Variants in PCDH15 observed in about 807,000 individuals in gnomAD.
The protein encoded by PCDH15 is protocadherin-15.
A neutral mutation model predicts 178.5 loss-of-function variants in PCDH15; 129 were observed. The observed-to-expected ratio is 0.72, with a 90% CI of 0.63 to 0.84. PCDH15 has a LOEUF of 0.84. Ranked by LOEUF, PCDH15 falls within the 40% of genes least tolerant of loss-of-function variation. The probability of loss-of-function intolerance (pLI) is 0.00; values close to 1 mark genes in which losing one functional copy is unlikely to be tolerated. For synonymous variants in PCDH15, 800 were observed against 732.0 expected, an observed-to-expected ratio of 1.09 and a Z score of -1.50; for missense variants, 2,230 against 2,099.9, an observed-to-expected ratio of 1.06 and a Z score of -1.21.
At chr10:53,830,378 A>G (rs1246716949) in intron 30 of PCDH15, among the ~76,000 whole-genome samples, 1 of 151,968 alleles carries the variant, frequency 6.6e-6, no homozygotes, top group Non-Finnish European at 1.5e-5. Context: ...TAAATGATGA[A>G]TAGCAGTTCT....
chr10:54,888,733 CCTG>C (rs142667976), intron 3 of PCDH15, among the ~76,000 whole-genome samples: 26,082 of 142,540 alleles, frequency 0.18, 3,004 homozygotes, highest in Non-Finnish European at 0.26. Flanking sequence ...AGCACATTTT[CCTG>C]TTGTTGTTTT....
chr10:55,053,556 T>C (rs947112155), intron 2 of PCDH15, among the ~76,000 whole-genome samples: 3 of 152,208 alleles, frequency 2.0e-5, no homozygotes, highest in Non-Finnish European at 4.4e-5. Context: ...TCGTTGAATA[T>C]ACTATAAATG....
At chr10:53,926,926 A>G (rs1485589425) in intron 25 of PCDH15, among the ~76,000 whole-genome samples, 2 of 151,888 alleles carry the variant, frequency 1.3e-5, no homozygotes, top group South Asian at 2.1e-4. Flanking sequence ...GTGGATACGT[A>G]TCCCCTTACA....
intron 2 of PCDH15, among the ~76,000 whole-genome samples, chr10:55,480,346 G>C (rs1353544382): frequency 6.6e-6 from 1 of 151,580 alleles, no homozygotes; most frequent in Non-Finnish European, 1.5e-5. Flanking sequence ...GATTGTGCTG[G>C]CCAGAACTTT....
At chr10:55,108,390 T>G (rs1200052209) in intron 2 of PCDH15, among the ~76,000 whole-genome samples, 1 of 152,172 alleles carries the variant, frequency 6.6e-6, no homozygotes, top group East Asian at 1.9e-4. Context: ...TTCTAAGCAT[T>G]TTCATAATGT....
intron 2 of PCDH15, among the ~76,000 whole-genome samples, chr10:55,144,323 A>T (rs1838439439): frequency 6.6e-6 from 1 of 152,058 alleles, no homozygotes; most frequent in African/African-American, 2.4e-5. Flanking sequence ...TAATAGAACA[A>T]GTCCTAGAGC....
intron 2 of PCDH15, among the ~76,000 whole-genome samples, chr10:55,481,456 T>C (rs776699535): frequency 2.0e-5 from 3 of 151,704 alleles, no homozygotes; most frequent in Middle Eastern, 3.4e-3. Flanking sequence ...TTCTAACTTT[T>C]TGATGTGGTT....
At chr10:55,467,351 G>T (rs1484898677) in intron 2 of PCDH15, among the ~76,000 whole-genome samples, 1 of 141,398 alleles carries the variant, frequency 7.1e-6, no homozygotes, top group African/African-American at 2.6e-5. Context: ...AGGAGGAAAA[G>T]AAAAGCCTGA....
chr10:55,408,807 T>A (rs1306200382), intron 2 of PCDH15, among the ~76,000 whole-genome samples: 13 of 152,058 alleles, frequency 8.5e-5, no homozygotes, highest in Admixed American at 8.5e-4. Flanking sequence ...TTCCTTGCTA[T>A]CACTTCACTA....
chr10:54,410,404 A>C (rs1277731914), intron 3 of PCDH15, among the ~76,000 whole-genome samples: 3 of 152,082 alleles, frequency 2.0e-5, no homozygotes, highest in Non-Finnish European at 2.9e-5. Flanking sequence ...CTTTTAATTT[A>C]TTTCTTTTAG....
At chr10:55,435,311 GGAA>G (rs143131378) in intron 2 of PCDH15, among the ~76,000 whole-genome samples, 53 of 152,006 alleles carry the variant, frequency 3.5e-4, no homozygotes, top group Non-Finnish European at 7.2e-4. Context: ...AGATAATTGG[GGAA>G]GAAGAGAATA....
At chr10:55,475,017 C>G (rs1189655279) in intron 2 of PCDH15, among the ~76,000 whole-genome samples, 3 of 152,064 alleles carry the variant, frequency 2.0e-5, no homozygotes, top group African/African-American at 7.2e-5. Context: ...AAAATTAGTA[C>G]CTTCACAACA....
At chr10:54,989,318 T>C (rs544917777) in intron 2 of PCDH15, among the ~76,000 whole-genome samples, 1 of 152,294 alleles carries the variant, frequency 6.6e-6, no homozygotes, top group East Asian at 1.9e-4. Flanking sequence ...CTTATGGAGC[T>C]GTGAGAAGAG....
At chr10:55,107,567 C>T (rs1837386348) in intron 2 of PCDH15, among the ~76,000 whole-genome samples, 1 of 141,952 alleles carries the variant, frequency 7.0e-6, no homozygotes, top group Non-Finnish European at 1.5e-5. Context: ...TCTTGGCTCA[C>T]TGCAACCTCT....
At chr10:55,001,800 C>T (rs1327790688) in intron 2 of PCDH15, among the ~76,000 whole-genome samples, 1 of 152,178 alleles carries the variant, frequency 6.6e-6, no homozygotes, top group Non-Finnish European at 1.5e-5. Context: ...GCAAAGATGC[C>T]ACCAGCCACA....
intron 2 of PCDH15, among the ~76,000 whole-genome samples, chr10:55,564,332 A>C (rs1476900603): frequency 6.6e-6 from 1 of 151,656 alleles, no homozygotes; most frequent in African/African-American, 2.4e-5. Context: ...GAGTATTATA[A>C]TTTTAGAGTG....
At chr10:54,111,934 C>G (rs1208876509) in intron 15 of PCDH15, among the ~76,000 whole-genome samples, 3 of 148,062 alleles carry the variant, frequency 2.0e-5, no homozygotes, top group Non-Finnish European at 4.4e-5. Flanking sequence ...CAAGACCATC[C>G]TGCCCAACAT....
intron 10 of PCDH15, among the ~76,000 whole-genome samples, chr10:54,208,731 G>T (rs1591180257): frequency 6.6e-6 from 1 of 151,998 alleles, no homozygotes; most frequent in Non-Finnish European, 1.5e-5. Flanking sequence ...GTGTGTGTGT[G>T]CGTGTGCGTG....
intron 2 of PCDH15, among the ~76,000 whole-genome samples, chr10:54,570,494 G>C (rs1361641791): frequency 6.6e-6 from 1 of 152,004 alleles, no homozygotes; most frequent in East Asian, 1.9e-4. Context: ...TCAACTTACT[G>C]ATCCTTTCTT....
Sources: allele counts gnomAD v4.1 joint callset (sites outside exome capture counted in the v4.1 genomes callset), GRCh38; gene constraint gnomAD v4.1.1; transcripts MANE v1.5; gene names NCBI Gene and HGNC (gene_info 2026-07-23, HGNC 2026-07-21).